FMN1: variants seen among roughly 807,000 people sequenced by gnomAD.
FMN1 encodes formin 1, also known as formin-1.
In FMN1, 110 loss-of-function variants were observed where a neutral mutation model predicts 132.4. The ratio of observed to expected loss-of-function variants is 0.83; its 90% CI spans 0.71 to 0.97. The LOEUF is 0.97. Ranked by LOEUF, FMN1 falls within the 50% of genes least tolerant of loss-of-function variation. The pLI, the probability that FMN1 is intolerant of heterozygous loss-of-function variation, is 0.00. For missense variants in FMN1, 1,792 were observed against 1,705.3 expected (o/e 1.05, Z -0.90); for synonymous variants, 722 against 651.7 (o/e 1.11, Z -1.64).
At chr15:33,007,714 C>T (rs757977394) in intron 7 of FMN1, among the ~76,000 whole-genome samples, 13 of 152,116 alleles carry the variant, frequency 8.5e-5, no homozygotes, top group Non-Finnish European at 1.6e-4. Context: ...AAAACTTCTA[C>T]TATATTTTAT....
At chr15:33,134,007 G>A (rs1279079260) in intron 4 of FMN1, among the ~76,000 whole-genome samples, 1 of 152,078 alleles carries the variant, frequency 6.6e-6, no homozygotes, top group Non-Finnish European at 1.5e-5. Flanking sequence ...AGGCTGGAGT[G>A]CAGTGGCACA....
intron 9 of FMN1, among the ~76,000 whole-genome samples, chr15:32,932,673 T>C (rs1400399277): frequency 6.6e-6 from 1 of 152,186 alleles, no homozygotes; most frequent in African/African-American, 2.4e-5. Flanking sequence ...TTCAATCTCC[T>C]TACTTGTTAC....
intron 9 of FMN1, among the ~76,000 whole-genome samples, chr15:32,934,257 T>C (rs1039992114): frequency 5.9e-5 from 9 of 152,290 alleles, no homozygotes; most frequent in African/African-American, 1.4e-4. Flanking sequence ...CCACACTTCA[T>C]GTAATTGATA....
chr15:32,920,890 A>G (rs534354836), intron 10 of FMN1, among the ~76,000 whole-genome samples: 1 of 152,284 alleles, frequency 6.6e-6, no homozygotes, highest in South Asian at 2.1e-4. Flanking sequence ...GACCTTTGTC[A>G]TTTATCATCT....
At chr15:32,859,136 T>C (rs2059205620) in intron 16 of FMN1, among the ~76,000 whole-genome samples, 1 of 152,146 alleles carries the variant, frequency 6.6e-6, no homozygotes, top group East Asian at 1.9e-4. Context: ...TCTTGTTGGA[T>C]TATGTTTTTT....
intron 6 of FMN1, among the ~76,000 whole-genome samples, chr15:33,050,134 G>C (rs7167795): frequency 0.32 from 48,378 of 152,102 alleles, 7,838 homozygotes; most frequent in Non-Finnish European, 0.33. Flanking sequence ...TTTAAGGTAG[G>C]CTTGGCTAAG....
chr15:32,888,392 G>C, intron 15 of FMN1, 100 bp from the exon 16 acceptor site: 1 of 1,092,178 alleles, frequency 9.2e-7, no homozygotes, highest in East Asian at 2.4e-5. Flanking sequence ...TTTTTTATTG[G>C]ATGTCTGAGT....
At chr15:32,883,768 G>C (rs2059828832) in intron 16 of FMN1, among the ~76,000 whole-genome samples, 1 of 152,100 alleles carries the variant, frequency 6.6e-6, no homozygotes, top group Non-Finnish European at 1.5e-5. Context: ...AAAGGGAAAA[G>C]AAAGCAAGCC....
At chr15:33,069,006 G>A (rs1388425357) in intron 5 of FMN1, among the ~76,000 whole-genome samples, 1 of 152,208 alleles carries the variant, frequency 6.6e-6, no homozygotes, top group East Asian at 1.9e-4. Context: ...AACCTGGCAT[G>A]ACACAGTGTA....
intron 7 of FMN1, among the ~76,000 whole-genome samples, chr15:32,998,863 C>T (rs995187640): frequency 1.3e-5 from 2 of 152,196 alleles, no homozygotes. Flanking sequence ...CTACAACAGC[C>T]TCCTTCTATA....
At chr15:33,189,577 C>T (rs1966003925) in intron 2 of FMN1, among the ~76,000 whole-genome samples, 1 of 152,214 alleles carries the variant, frequency 6.6e-6, no homozygotes, top group Non-Finnish European at 1.5e-5. Context: ...GGAACGTTCT[C>T]TGTGGCTTAG....
intron 17 of FMN1, among the ~76,000 whole-genome samples, chr15:32,812,322 C>T (rs2057910326): frequency 6.6e-6 from 1 of 152,148 alleles, no homozygotes; most frequent in Non-Finnish European, 1.5e-5. Flanking sequence ...AATATTAAGT[C>T]ATTTACACTT....
intron 8 of FMN1, among the ~76,000 whole-genome samples, chr15:32,965,606 T>C (rs1222026686): frequency 1.3e-5 from 2 of 152,218 alleles, no homozygotes; most frequent in Non-Finnish European, 2.9e-5. Context: ...CAGGTGATTT[T>C]GGTATTTAAA....
Position 32,969,462 on chromosome 15 carries a change from G to T in FMN1, c.2239C>A (p.Arg747=), listed in dbSNP as rs761623743. The T allele has an allele frequency of 3.1e-6, 5 of 1,613,680 alleles. No individual in the cohort carries two copies. Among genetic ancestry groups the T allele is most frequent in the African/African-American group, 1.3e-5 (1 of 74,986 alleles). Residue 747 remains arginine (R), a synonymous_variant, in exon 8 of 21, where the codon CGG becomes AGG. Transcript: ENST00000616417. ...TGCTCGCCCCGGATATGAAATGCCC[G>T]AAGTTCAAACTGTGCCTATAGGAAA... ...IENLQAQFEL[R]AFHIRGEHAM...
At chr15:33,163,303 T>C (rs1330468684) in intron 3 of FMN1, among the ~76,000 whole-genome samples, 1 of 151,720 alleles carries the variant, frequency 6.6e-6, no homozygotes, top group African/African-American at 2.4e-5. Flanking sequence ...CTTTTCTTTT[T>C]TTTTTTTTGA....
chr15:32,871,857 G>T (rs1324801124), intron 16 of FMN1, among the ~76,000 whole-genome samples: 1 of 152,148 alleles, frequency 6.6e-6, no homozygotes, highest in Non-Finnish European at 1.5e-5. Context: ...GTCATGTAGG[G>T]ACTACGGTCA....
intron 10 of FMN1, among the ~76,000 whole-genome samples, chr15:32,916,303 T>C (rs2060682515): frequency 6.6e-6 from 1 of 152,220 alleles, no homozygotes; most frequent in Non-Finnish European, 1.5e-5. Flanking sequence ...CAGCCATTTT[T>C]CAACCCTGAA....
intron 6 of FMN1, among the ~76,000 whole-genome samples, chr15:33,011,810 G>A (rs1188824395): frequency 1.3e-5 from 2 of 152,076 alleles, no homozygotes; most frequent in Non-Finnish European, 2.9e-5. Flanking sequence ...GCTCTAAAAA[G>A]ATGATATACA....
At chr15:33,018,830 C>T (rs538842796) in intron 6 of FMN1, among the ~76,000 whole-genome samples, 5 of 152,186 alleles carry the variant, frequency 3.3e-5, no homozygotes, top group Non-Finnish European at 7.4e-5. Flanking sequence ...TGCATACCTT[C>T]GCGGTTGAGT....
Sources: gnomAD v4.1 joint callset for allele counts (sites outside exome capture counted in the v4.1 genomes callset) on GRCh38, gnomAD v4.1.1 for gene constraint, MANE v1.5 for transcripts, NCBI Gene and HGNC (gene_info 2026-07-23, HGNC 2026-07-21) for gene names.